Variants in GORASP2 observed in about 807,000 individuals in gnomAD.
GORASP2 encodes the protein Golgi reassembly-stacking protein 2.
In GORASP2, 22 loss-of-function variants were observed where a neutral mutation model predicts 45.7. The ratio of observed to expected loss-of-function variants is 0.48; its 90% CI spans 0.34 to 0.69. GORASP2 has a LOEUF of 0.69. Among genes scored for constraint, GORASP2 ranks in the 30% least tolerant of loss-of-function variants. The pLI is 0.01. For missense variants in GORASP2, 491 were observed against 562.7 expected, an observed-to-expected ratio of 0.87 and a Z score of 1.29; for synonymous variants, 221 against 215.6, an observed-to-expected ratio of 1.02 and a Z score of -0.22.
At chr2:170,931,811 T>C (rs1703830231) in intron 1 of GORASP2, among the ~76,000 whole-genome samples, 1 of 152,218 alleles carries the variant, frequency 6.6e-6, no homozygotes, top group South Asian at 2.1e-4. Flanking sequence ...ATGTGTTCTG[T>C]ATGTATGAGT....
chr2:170,936,720 A>G, intron 1 of GORASP2: 1 of 1,021,000 alleles, frequency 9.8e-7, no homozygotes, highest in Non-Finnish European at 1.4e-6. Context: ...TCCAATCAGG[A>G]GACTGAGGTG....
intron 7 of GORASP2, among the ~76,000 whole-genome samples, chr2:170,960,407 T>C (rs182216380): frequency 1.9e-4 from 29 of 152,342 alleles, no homozygotes; most frequent in African/African-American, 6.5e-4. Context: ...TGAAGCCCAC[T>C]TGTGGGCCCT....
chr2:170,929,633 T>TG, intron 1 of GORASP2: 1 of 612,428 alleles, frequency 1.6e-6, no homozygotes, highest in Admixed American at 2.5e-5. Context: ...GGGCTGGAGC[T>TG]GGAGGCGGCT....
upstream of GORASP2, chr2:170,929,111 G>T (rs1460009577): frequency 2.6e-6 from 1 of 390,592 alleles, no homozygotes; most frequent in Non-Finnish European, 4.5e-6. Flanking sequence ...CGCCCTCCCG[G>T]CCCGCGAGCG....
chr2:170,941,862 G>T (rs1704083784), intron 1 of GORASP2, among the ~76,000 whole-genome samples: 1 of 152,050 alleles, frequency 6.6e-6, no homozygotes. Flanking sequence ...ACCCATTTCT[G>T]TTGGGTATAT....
chr2:170,934,250 T>G (rs1291927569), intron 1 of GORASP2, among the ~76,000 whole-genome samples: 1 of 151,660 alleles, frequency 6.6e-6, no homozygotes, highest in Non-Finnish European at 1.5e-5. Context: ...ATACCCTGTT[T>G]TTTTTTTTGT....
rs184752987 is a variant in GORASP2 at position 170,953,333 on chromosome 2, G to A, written c.567-1317G>A. On this transcript the variant is annotated intron_variant, in intron 5 of 9. Transcript: ENST00000234160. ...ATCATGCCACTGTGCTACAGCCTGG[G>A]CAACAGAATAATAAATTGTCTTAAT... is the stretch of plus-strand genomic sequence containing the variant. Among the ~76,000 whole-genome samples the A allele has an allele frequency of 4.3e-3, 650 of 150,238 alleles. 8 individuals carry two copies. The highest frequency in any genetic ancestry group is 6.8e-3 in the Middle Eastern group (2 of 292).
chr2:170,965,846 C>A lies in GORASP2; in HGVS notation c.1075C>A (p.Pro359Thr), dbSNP rs1164713503. 2 of 1,614,056 alleles carry A rather than the reference C, an allele frequency of 1.2e-6. No homozygotes were observed. The highest frequency in any genetic ancestry group is 1.3e-5 in the African/African-American group (1 of 75,014). ...AAACTTACCTGGCATTGCACCTCTC[C>A]CCCTGCCATCCGAGTTCCTCCCGTC... Reference protein sequence around the residue: ...PRNLPGIAPLPLPSEFLPSFP... With the variant: ...PRNLPGIAPLTLPSEFLPSFP... Residue 359 changes from proline to threonine, a missense_variant, in exon 10 of 10, where the codon CCC (proline) becomes ACC (threonine). Coordinates refer to ENST00000234160, the MANE Select transcript of GORASP2 (RefSeq NM_015530.5).
Position 170,948,398 on chromosome 2 carries a change from G to T in GORASP2, c.112G>T (p.Asp38Tyr). Residue 38 changes from aspartate to tyrosine, a missense_variant, in exon 2 of 10, where the codon GAT (aspartate) becomes TAT (tyrosine). Physicochemically the swap from Asp to Tyr is radical, Grantham distance 160 (BLOSUM62 -3). Coordinates refer to ENST00000234160, the MANE Select transcript of GORASP2 (RefSeq NM_015530.5). The part of the protein sequence containing the change: ...GHRAGLEPFF[D>Y]FIVSINGSRL... ...CAGAGCTGGTTTGGAGCCTTTCTTT[G>T]ATTTTATTGTTTCTATTAATGGTTC... is the stretch of plus-strand genomic sequence containing the variant. 6.3e-7 allele frequency: 1 copy of T among 1,595,802 alleles called. No individual in the cohort carries two copies. The highest frequency in any genetic ancestry group is 8.6e-7 in the Non-Finnish European group (1 of 1,165,124).
At chr2:170,935,770 T>G (rs1703935212) in intron 1 of GORASP2, among the ~76,000 whole-genome samples, 2 of 152,014 alleles carry the variant, frequency 1.3e-5, no homozygotes, top group African/African-American at 2.4e-5. Context: ...GAGATGGGTT[T>G]TTGCCATGTT....
intron 1 of GORASP2, among the ~76,000 whole-genome samples, chr2:170,946,246 TCCTG>T (rs980037999): frequency 3.3e-5 from 5 of 152,208 alleles, no homozygotes; most frequent in African/African-American, 1.2e-4. Context: ...ACTCCAATCC[TCCTG>T]CCTTGTCCTC....
Position 170,965,857 on chromosome 2 carries a change from C to T in GORASP2, c.1086C>T (p.Ser362=), listed in dbSNP as rs778744509. The change falls in exon 10 of 10, where the codon TCC becomes TCT. Residue 362 remains serine, a synonymous_variant. Transcript: ENST00000234160. The part of the protein sequence containing the change: ...LPGIAPLPLP[S]EFLPSFPLVP... ...GCATTGCACCTCTCCCCCTGCCATCCGAGTTCCTCCCGTCATTCCCCTTGG... is the reference window on the plus strand; with the variant it reads ...GCATTGCACCTCTCCCCCTGCCATCTGAGTTCCTCCCGTCATTCCCCTTGG... 28 of 1,613,918 alleles carry T rather than the reference C, an allele frequency of 1.7e-5. No individual in the cohort carries two copies. The South Asian group carries it at 2.0e-4, about 11-fold the overall frequency.
intron 1 of GORASP2, among the ~76,000 whole-genome samples, chr2:170,932,190 G>A (rs1300796189): frequency 6.6e-6 from 1 of 152,148 alleles, no homozygotes; most frequent in Non-Finnish European, 1.5e-5. Context: ...TTGTGCCATT[G>A]CACTCTAGCC....
At position 170,948,333 on chromosome 2, in the gene GORASP2, C is replaced by T. The variant is rs757568829; in HGVS notation, c.64-17C>T. The T allele has an allele frequency of 2.2e-5, 32 of 1,468,334 alleles. No homozygotes were observed. The highest frequency in any genetic ancestry group is 1.1e-4 in the African/African-American group (8 of 71,394). The allele number at this position is 1,468,334 out of a possible 1,614,324, so 91.0% of individuals were successfully genotyped here. ...TAAGCTTTACATTTTTTATTTTTGT[C>T]GTTTTTGTTTCCGCAGGTACAAGAA... On this transcript the variant is annotated splice_polypyrimidine_tract_variant and intron_variant, in intron 1 of 9. Coordinates refer to ENST00000234160, the MANE Select transcript of GORASP2 (RefSeq NM_015530.5).
rs533748359 is a variant in GORASP2 at position 170,965,172 on chromosome 2, C to T, written c.1019-618C>T. Among the ~76,000 whole-genome samples the T allele has an allele frequency of 3.0e-3, 456 of 152,236 alleles. 2 individuals carry two copies. The highest frequency in any genetic ancestry group is 6.8e-3 in the Middle Eastern group (2 of 294). On this transcript the variant is annotated intron_variant, in intron 9 of 9. Coordinates refer to ENST00000234160, the MANE Select transcript of GORASP2 (RefSeq NM_015530.5). ...TCAAGCGATCCTCCCACCTTGGCCT[C>T]CCAAAGTGCTGGGGTTACAGGCGTG...
intron 1 of GORASP2, among the ~76,000 whole-genome samples, chr2:170,947,343 C>T (rs1172342514): frequency 1.3e-5 from 2 of 152,210 alleles, no homozygotes; most frequent in Non-Finnish European, 1.5e-5. Context: ...CTTCAGACTC[C>T]TGCTTCGGGT....
chr2:170,943,382 A>T (rs1201553555), intron 1 of GORASP2, among the ~76,000 whole-genome samples: 2 of 152,220 alleles, frequency 1.3e-5, no homozygotes, highest in African/African-American at 2.4e-5. Flanking sequence ...TTACCCTCAG[A>T]TGGTGATTGC....
At chr2:170,952,486 T>G (rs1260364545) in intron 5 of GORASP2, among the ~76,000 whole-genome samples, 1 of 152,186 alleles carries the variant, frequency 6.6e-6, no homozygotes, top group Non-Finnish European at 1.5e-5. Flanking sequence ...TAAATCTTAT[T>G]TCTCTTAATT....
chr2:170,931,321 C>T (rs1008475213), intron 1 of GORASP2, among the ~76,000 whole-genome samples: 3 of 152,144 alleles, frequency 2.0e-5, no homozygotes, highest in African/African-American at 7.2e-5. Flanking sequence ...AGACCCTCTG[C>T]CCCTGATTCT....
Sources: allele counts gnomAD v4.1 joint callset (sites outside exome capture counted in the v4.1 genomes callset), GRCh38; gene constraint gnomAD v4.1.1; transcripts MANE v1.5; gene names NCBI Gene and HGNC (gene_info 2026-07-23, HGNC 2026-07-21).